Variants in FAM184B observed in about 807,000 individuals in gnomAD.
FAM184B encodes the protein protein FAM184B.
A neutral mutation model predicts 135.9 loss-of-function variants in FAM184B; 111 were observed. That is an observed-to-expected ratio of 0.82 (90% CI 0.70 to 0.96). FAM184B has a LOEUF of 0.96. Ranked by LOEUF, FAM184B falls within the 40% of genes least tolerant of loss-of-function variation. FAM184B has a pLI of 0.00. For missense variants in FAM184B, 1,375 were observed against 1,323.9 expected (o/e 1.04, Z -0.60); for synonymous variants, 552 against 524.8 (o/e 1.05, Z -0.71).
intron 7 of FAM184B, among the ~76,000 whole-genome samples, chr4:17,674,757 C>T (rs1199439909): frequency 6.6e-6 from 1 of 152,168 alleles, no homozygotes; most frequent in Non-Finnish European, 1.5e-5. Context: ...TCACAGAAGT[C>T]TCATCAGGAG....
chr4:17,728,130 T>A (rs958517801), intron 1 of FAM184B, among the ~76,000 whole-genome samples: 10 of 151,834 alleles, frequency 6.6e-5, no homozygotes, highest in South Asian at 2.1e-4. Context: ...TAAAAAAAAA[T>A]TATCCAGGAA....
intron 1 of FAM184B, among the ~76,000 whole-genome samples, chr4:17,771,747 C>T (rs1718820937): frequency 6.6e-6 from 1 of 152,206 alleles, no homozygotes; most frequent in African/African-American, 2.4e-5. Flanking sequence ...GGCCTCTCAG[C>T]CCAGGGAAGA....
intron 13 of FAM184B, among the ~76,000 whole-genome samples, chr4:17,639,894 T>C (rs1715257218): frequency 6.6e-6 from 1 of 151,498 alleles, no homozygotes; most frequent in Non-Finnish European, 1.5e-5. Flanking sequence ...AATGGCACGA[T>C]CTCGGCTCAC....
At chr4:17,649,608 C>T (rs573391797) in intron 11 of FAM184B, among the ~76,000 whole-genome samples, 2 of 151,444 alleles carry the variant, frequency 1.3e-5, no homozygotes, top group East Asian at 1.9e-4. Flanking sequence ...AAATTTACTT[C>T]GTAATCTTTC....
At chr4:17,684,422 G>C (rs570567302) in intron 7 of FAM184B, among the ~76,000 whole-genome samples, 24 of 152,142 alleles carry the variant, frequency 1.6e-4, no homozygotes, top group African/African-American at 5.1e-4. Context: ...TATACCATTT[G>C]AGTTCTGTAC....
chr4:17,699,827 GT>G (rs1301588256), intron 5 of FAM184B, among the ~76,000 whole-genome samples: 1 of 152,004 alleles, frequency 6.6e-6, no homozygotes. Flanking sequence ...CTAAAATATG[GT>G]TGTCCGTTTA....
chr4:17,759,439 T>A (rs1161861466), intron 1 of FAM184B, among the ~76,000 whole-genome samples: 1 of 152,206 alleles, frequency 6.6e-6, no homozygotes, highest in Non-Finnish European at 1.5e-5. Context: ...GAATCAGAAC[T>A]GTGAGCCAAT....
intron 1 of FAM184B, among the ~76,000 whole-genome samples, chr4:17,732,192 A>G (rs1717796702): frequency 6.6e-6 from 1 of 152,256 alleles, no homozygotes; most frequent in Non-Finnish European, 1.5e-5. Context: ...AGCAGTGTGT[A>G]GAAGGAAATT....
At chr4:17,637,520 C>T (rs1389392372) in intron 14 of FAM184B, among the ~76,000 whole-genome samples, 2 of 152,064 alleles carry the variant, frequency 1.3e-5, no homozygotes, top group Non-Finnish European at 2.9e-5. Context: ...TGTGTGGGCC[C>T]CAGTTCCCTC....
chr4:17,714,656 C>T (rs1382450689), intron 1 of FAM184B, among the ~76,000 whole-genome samples: 1 of 152,078 alleles, frequency 6.6e-6, no homozygotes, highest in Non-Finnish European at 1.5e-5. Flanking sequence ...ATGCTCGGGG[C>T]TATGATTTAT....
In FAM184B at chr4:17,630,003, T is replaced by C. The variant is rs775250064; in HGVS notation, c.*2529A>G. 4.6e-5 allele frequency: 7 copies of C among 152,174 alleles called. No homozygotes were observed. The highest frequency in any genetic ancestry group is 2.1e-4 in the South Asian group (1 of 4,830). 9.4% of individuals were successfully genotyped at this position (152,174 alleles called of 1,614,324 possible). A position where few individuals can be genotyped will look rare whatever the true frequency, so the allele number is the denominator to read the frequency against. On this transcript the variant is annotated 3_prime_UTR_variant, in exon 18 of 18. Coordinates refer to ENST00000265018, the MANE Select transcript of FAM184B (RefSeq NM_015688.2). ...TGCAAAGATTTTGTTAACAAAGATA[T>C]AATCATTGCAGGGTAGAATTTAGAA... is the stretch of plus-strand genomic sequence containing the variant.
chr4:17,651,537 CAAAAAAAA>C lies in FAM184B; in HGVS notation c.2191+1285_2191+1292del, dbSNP rs751455835. 2.2e-3 allele frequency among the ~76,000 whole-genome samples: 93 copies of C among 43,116 alleles called. 2 individuals are homozygous for C. Among genetic ancestry groups the C allele is most frequent in the African/African-American group, 7.6e-3 (73 of 9,664 alleles). The allele number at this position is 43,116 out of a possible 152,430, so 28.3% of individuals were successfully genotyped here. On this transcript the variant is annotated intron_variant, in intron 11 of 17. Coordinates refer to ENST00000265018, the MANE Select transcript of FAM184B (RefSeq NM_015688.2). ...TGGGCGACAGAGCAAGACTCTGTCTCAAAAAAAAAAAAAAAAAAAAAAAAAAGAAGAAA... is the reference window on the plus strand; with the variant it reads ...TGGGCGACAGAGCAAGACTCTGTCTCAAAAAAAAAAAAAAAAAAGAAGAAA...
chr4:17,664,543 T>A lies in FAM184B; in HGVS notation c.1694+19A>T, dbSNP rs966666914. 6.5e-7 allele frequency: 1 copy of A among 1,531,850 alleles called. No individual in the cohort carries two copies. The highest frequency in any genetic ancestry group is 1.4e-5 in the African/African-American group (1 of 72,374). 94.9% of individuals were successfully genotyped at this position (1,531,850 alleles called of 1,614,324 possible). A position where few individuals can be genotyped will look rare whatever the true frequency, so the allele number is the denominator to read the frequency against. On this transcript the variant is annotated intron_variant, in intron 8 of 17. Transcript: ENST00000265018. The stretch of plus-strand genomic sequence containing the variant: ...CCTCATTCAATGGAGCACTCAGAAG[T>A]CTGCATGTCCTCCTGTACCTTTCTT...
intron 11 of FAM184B, among the ~76,000 whole-genome samples, chr4:17,651,089 A>C (rs1258386405): frequency 6.6e-6 from 1 of 152,128 alleles, no homozygotes; most frequent in Non-Finnish European, 1.5e-5. Context: ...ATACTTAATA[A>C]AGCCAACATG....
At chr4:17,708,663 CTATATATATATATA>C (rs60087211) in intron 2 of FAM184B, among the ~76,000 whole-genome samples, 254 of 16,980 alleles carry the variant, frequency 0.015, 11 homozygotes, top group African/African-American at 0.046. Flanking sequence ...GGAAACAAAA[CTATATATATATATA>C]TATATATATA....
intron 7 of FAM184B, among the ~76,000 whole-genome samples, chr4:17,677,972 C>T (rs949132174): frequency 2.4e-5 from 1 of 41,826 alleles, no homozygotes; most frequent in Non-Finnish European, 9.3e-5. Context: ...ATCCAGCATC[C>T]CTTTATGGTT....
At chr4:17,721,443 A>T (rs1717528351) in intron 1 of FAM184B, among the ~76,000 whole-genome samples, 1 of 145,936 alleles carries the variant, frequency 6.9e-6, no homozygotes, top group South Asian at 2.3e-4. Flanking sequence ...CCGAGTGCAG[A>T]GGATACCCAA....
At chr4:17,747,852 C>T (rs1222105968) in intron 1 of FAM184B, among the ~76,000 whole-genome samples, 21 of 128,148 alleles carry the variant, frequency 1.6e-4, no homozygotes, top group Non-Finnish European at 3.0e-4. Context: ...ACCCGGGAGG[C>T]GGAGCTTGCA....
At chr4:17,710,253 GGCGGAGGTT>G (rs1717232327) in intron 1 of FAM184B, among the ~76,000 whole-genome samples, 3 of 152,096 alleles carry the variant, frequency 2.0e-5, no homozygotes, top group African/African-American at 7.2e-5. Context: ...GAACCCAGGA[GGCGGAGGTT>G]GCAGCGAGCT....
Sources: gnomAD v4.1 joint callset for allele counts (sites outside exome capture counted in the v4.1 genomes callset) on GRCh38, gnomAD v4.1.1 for gene constraint, MANE v1.5 for transcripts, NCBI Gene and HGNC (gene_info 2026-07-23, HGNC 2026-07-21) for gene names.